NBEA: variants seen among roughly 807,000 people sequenced by gnomAD.
The protein encoded by NBEA is neurobeachin, also known as lysosomal-trafficking regulator 2.
NBEA carries 44 observed loss-of-function variants against 343.4 expected under a neutral mutation model. The observed-to-expected ratio is 0.13, with a 90% CI of 0.10 to 0.16. The LOEUF is 0.16. Ranked by LOEUF, NBEA falls within the 10% of genes least tolerant of loss-of-function variation. The pLI, the probability that NBEA is intolerant of heterozygous loss-of-function variation, is 1.00. For synonymous variants in NBEA, 1,175 were observed against 1,238.7 expected, an observed-to-expected ratio of 0.95 and a Z score of 1.08; for missense variants, 2,555 against 3,631.3, an observed-to-expected ratio of 0.70 and a Z score of 7.62.
At chr13:35,278,109 A>AAT (rs755340453) in intron 34 of NBEA, among the ~76,000 whole-genome samples, 65 of 147,112 alleles carry the variant, frequency 4.4e-4, no homozygotes, top group East Asian at 4.1e-3. Context: ...ATATATATAA[A>AAT]ATATATATAT....
intron 25 of NBEA, among the ~76,000 whole-genome samples, chr13:35,170,622 T>A (rs1208114464): frequency 6.6e-6 from 1 of 151,874 alleles, no homozygotes; most frequent in Non-Finnish European, 1.5e-5. Flanking sequence ...ATGCTATGAT[T>A]CTTTTTATTA....
intron 8 of NBEA, among the ~76,000 whole-genome samples, chr13:35,062,532 G>A (rs1431505382): frequency 1.3e-5 from 2 of 151,786 alleles, no homozygotes; most frequent in African/African-American, 2.4e-5. Context: ...GAGAACCAAA[G>A]TAGGCACATT....
intron 40 of NBEA, among the ~76,000 whole-genome samples, chr13:35,453,857 A>G (rs2046425370): frequency 6.6e-6 from 1 of 152,148 alleles, no homozygotes; most frequent in South Asian, 2.1e-4. Context: ...ATTTATTTTT[A>G]TAAGAAAACA....
At chr13:35,639,515 A>G (rs1008593543) in intron 49 of NBEA, among the ~76,000 whole-genome samples, 2 of 152,154 alleles carry the variant, frequency 1.3e-5, no homozygotes, top group Admixed American at 6.5e-5. Context: ...GAACAGAAAG[A>G]TGATATCAAT....
Position 35,023,329 on chromosome 13 carries a change from G to C in NBEA, c.295-17604G>C, listed in dbSNP as rs576147576. 2.6e-5 allele frequency among the ~76,000 whole-genome samples: 4 copies of C among 152,176 alleles called. No homozygotes were observed. In the East Asian group the frequency reaches 7.7e-4, roughly 29 times the overall value. On this transcript the variant is annotated intron_variant, in intron 1 of 58. Transcript: ENST00000379939. ...TAACTGATGGGAGAAGTCACCTACA[G>C]GTCAGATGCCTAAGGAGATGAGAAA... is the stretch of plus-strand genomic sequence containing the variant.
In NBEA at chr13:35,670,501, A is replaced by C. The variant is rs552027958; in HGVS notation, c.8814-400A>C. On this transcript the variant is annotated intron_variant, in intron 58 of 58. Coordinates refer to ENST00000379939, the MANE Select transcript of NBEA (RefSeq NM_001385012.1). ...GAGAGGACAAGAGGTGGAGTGATTCAAGGGGGCAAAGAAAAGAAAGGTCAC... is the reference window on the plus strand; with the variant it reads ...GAGAGGACAAGAGGTGGAGTGATTCCAGGGGGCAAAGAAAAGAAAGGTCAC... Among the ~76,000 whole-genome samples the C allele has an allele frequency of 2.6e-5, 4 of 152,308 alleles. No individual in the cohort carries two copies. The South Asian group carries it at 8.3e-4, about 32-fold the overall frequency.
chr13:35,362,818 ATAATT>A (rs1220653040), intron 38 of NBEA, among the ~76,000 whole-genome samples: 2 of 152,000 alleles, frequency 1.3e-5, no homozygotes, highest in Non-Finnish European at 2.9e-5. Flanking sequence ...CACTGTTTCA[ATAATT>A]TAAAGTCAAA....
intron 55 of NBEA, among the ~76,000 whole-genome samples, chr13:35,655,959 C>A (rs1323570479): frequency 4.6e-5 from 7 of 152,094 alleles, no homozygotes; most frequent in Admixed American, 2.0e-4. Flanking sequence ...CTTCCAGATC[C>A]CCTCACCAGT....
intron 48 of NBEA, among the ~76,000 whole-genome samples, chr13:35,612,015 C>G (rs970938872): frequency 1.3e-4 from 19 of 151,840 alleles, no homozygotes; most frequent in Admixed American, 5.9e-4. Flanking sequence ...CTTGCATTCC[C>G]CAGCAATGTA....
At chr13:35,448,713 G>A (rs1023648112) in intron 39 of NBEA, among the ~76,000 whole-genome samples, 2 of 152,180 alleles carry the variant, frequency 1.3e-5, no homozygotes, top group African/African-American at 4.8e-5. Flanking sequence ...TATGGTGGAA[G>A]CATAAGGGAA....
chr13:35,253,698 T>C (rs2032245442), intron 34 of NBEA, among the ~76,000 whole-genome samples: 1 of 152,248 alleles, frequency 6.6e-6, no homozygotes, highest in African/African-American at 2.4e-5. Flanking sequence ...ATTATCTAGA[T>C]TGTCTTTGTA....
chr13:35,577,746 G>A (rs771020694), intron 45 of NBEA, among the ~76,000 whole-genome samples: 22 of 152,080 alleles, frequency 1.4e-4, no homozygotes, highest in Non-Finnish European at 2.9e-4. Context: ...ATAAAGAGAT[G>A]AATAAAAGAC....
intron 41 of NBEA, among the ~76,000 whole-genome samples, chr13:35,531,410 A>G (rs939629881): frequency 4.6e-5 from 7 of 152,204 alleles, no homozygotes; most frequent in Admixed American, 2.0e-4. Flanking sequence ...TTGTCTAAAT[A>G]ATCTTAGTGT....
chr13:35,661,462 T>C (rs1475128574), intron 55 of NBEA, among the ~76,000 whole-genome samples: 1 of 152,224 alleles, frequency 6.6e-6, no homozygotes, highest in Non-Finnish European at 1.5e-5. Context: ...CTTCACTGAA[T>C]ACTCTATGAG....
intron 36 of NBEA, among the ~76,000 whole-genome samples, chr13:35,329,778 T>A (rs1431965448): frequency 8.1e-6 from 1 of 123,430 alleles, no homozygotes; most frequent in Non-Finnish European, 1.6e-5. Flanking sequence ...AAAATTAAAC[T>A]GCATTTTAAA....
rs1309486187 is a variant in NBEA at position 35,459,014 on chromosome 13, C to CA, written c.6448+6779_6448+6780insA. ...ATATTTCTTTACCACCGCCCCCCCCCCCCCACACACACACACACACACACT... is the reference window on the plus strand; with the variant it reads ...ATATTTCTTTACCACCGCCCCCCCCCACCCCACACACACACACACACACACT... On this transcript the variant is annotated intron_variant, in intron 40 of 58. Coordinates refer to ENST00000379939, the MANE Select transcript of NBEA (RefSeq NM_001385012.1). Among the ~76,000 whole-genome samples, 1,164 of 122,944 alleles carry CA rather than the reference C, an allele frequency of 9.5e-3. 28 individuals carry two copies. Among genetic ancestry groups the CA allele is most frequent in the Admixed American group, 0.012 (154 of 12,900 alleles). The allele number at this position is 122,944 out of a possible 152,430, so 80.7% of individuals were successfully genotyped here.
intron 23 of NBEA, among the ~76,000 whole-genome samples, chr13:35,163,394 C>G (rs757693091): frequency 2.0e-5 from 3 of 151,722 alleles, no homozygotes; most frequent in Non-Finnish European, 2.9e-5. Context: ...TGGCTCACAC[C>G]TATAATCCCA....
chr13:35,432,547 G>C (rs1478814786), intron 39 of NBEA, among the ~76,000 whole-genome samples, 154 bp downstream of exon 39: 1 of 151,818 alleles, frequency 6.6e-6, no homozygotes, highest in Non-Finnish European at 1.5e-5. Context: ...GCATCATTTA[G>C]GTTACTGTTA....
At chr13:34,994,803 C>T (rs1490452985) in intron 1 of NBEA, among the ~76,000 whole-genome samples, 1 of 152,148 alleles carries the variant, frequency 6.6e-6, no homozygotes, top group East Asian at 1.9e-4. Flanking sequence ...AAGTCCAAGT[C>T]ATCTTTTTTC....
Sources: allele counts gnomAD v4.1 joint callset (sites outside exome capture counted in the v4.1 genomes callset), GRCh38; gene constraint gnomAD v4.1.1; transcripts MANE v1.5; gene names NCBI Gene and HGNC (gene_info 2026-07-23, HGNC 2026-07-21).